MRAP2: variants seen among roughly 807,000 people sequenced by gnomAD.
MRAP2 encodes the protein melanocortin 2 receptor accessory protein 2.
MRAP2 carries 20 observed loss-of-function variants against 17.4 expected under a neutral mutation model. The ratio of observed to expected loss-of-function variants is 1.15; its 90% confidence interval spans 0.81 to 1.67. The LOEUF (loss-of-function observed/expected upper bound fraction) is 1.67, where lower values mean the gene tolerates loss of function less well. MRAP2 is among the 40% of genes most tolerant of loss of function. The pLI is 0.00. For missense variants in MRAP2, 238 were observed against 240.0 expected (o/e 0.99, Z 0.05); for synonymous variants, 96 against 88.4 (o/e 1.09, Z -0.48).
chr6:84,116,393 G>T, the MRAP2 span, among the ~76,000 whole-genome samples: 39 of 152,262 alleles, frequency 2.6e-4, 1 homozygote, highest in African/African-American at 9.1e-4. Flanking sequence ...GACTCTCATT[G>T]TGTCTTGCCT....
At chr6:84,100,221 T>A in the MRAP2 span, among the ~76,000 whole-genome samples, 1 of 152,184 alleles carries the variant, frequency 6.6e-6, no homozygotes, top group African/African-American at 2.4e-5. Flanking sequence ...TCCTTTGCAT[T>A]TCTATATGAA....
intron 3 of MRAP2, among the ~76,000 whole-genome samples, chr6:84,082,979 C>T (rs185217786): frequency 3.7e-4 from 57 of 152,180 alleles, no homozygotes; most frequent in South Asian, 8.3e-4. Context: ...CTCTCCCTTA[C>T]GTGCCCACCT....
chr6:84,085,858 A>AT (rs11384949), intron 3 of MRAP2, among the ~76,000 whole-genome samples: 20,755 of 152,200 alleles, frequency 0.14, 1,449 homozygotes, highest in Middle Eastern at 0.23. Context: ...AGCATTCTTC[A>AT]TTTAAGGTAG....
intron 2 of MRAP2, chr6:84,062,405 G>C (rs951032314): frequency 4.8e-6 from 2 of 416,574 alleles, no homozygotes; most frequent in Non-Finnish European, 6.4e-6. Flanking sequence ...GCAGCCCAGA[G>C]TCTCTCTGAA....
chr6:84,059,122 TCA>T (rs777767275), intron 2 of MRAP2, among the ~76,000 whole-genome samples: 1 of 152,236 alleles, frequency 6.6e-6, no homozygotes. Flanking sequence ...GAGTGGACAA[TCA>T]CATTTTAGCA....
At chr6:84,081,036 C>T in intron 3 of MRAP2, among the ~76,000 whole-genome samples, 1 of 152,122 alleles carries the variant, frequency 6.6e-6, no homozygotes, top group East Asian at 1.9e-4. Context: ...CATGGCATCC[C>T]ATGGGTGGGT....
downstream of MRAP2, among the ~76,000 whole-genome samples, chr6:84,095,877 C>A (rs574569152): frequency 1.4e-4 from 21 of 152,266 alleles, no homozygotes; most frequent in African/African-American, 4.8e-4. Context: ...GGAGTTGGAG[C>A]TTTTGAATAA....
intron 3 of MRAP2, among the ~76,000 whole-genome samples, chr6:84,078,342 A>G (rs1409235377): frequency 6.6e-6 from 1 of 152,230 alleles, no homozygotes; most frequent in African/African-American, 2.4e-5. Context: ...ATGCTTCACA[A>G]AAGAAGATAA....
the MRAP2 span, among the ~76,000 whole-genome samples, chr6:84,140,646 C>T: frequency 6.6e-6 from 1 of 152,084 alleles, no homozygotes; most frequent in Non-Finnish European, 1.5e-5. Flanking sequence ...TCACCTCAAC[C>T]TCTTGAGTAG....
At chr6:84,139,383 G>A in the MRAP2 span, among the ~76,000 whole-genome samples, 2 of 152,150 alleles carry the variant, frequency 1.3e-5, no homozygotes, top group Non-Finnish European at 2.9e-5. Flanking sequence ...ACTGTTTTGA[G>A]TTACTTTTCA....
chr6:84,125,234 TG>T, the MRAP2 span: 1 of 1,613,582 alleles, frequency 6.2e-7, no homozygotes, highest in Non-Finnish European at 8.5e-7. Context: ...TCAACTTCTT[TG>T]TTTTGCTCAG....
the MRAP2 span, among the ~76,000 whole-genome samples, chr6:84,134,719 T>G: frequency 6.6e-6 from 1 of 152,134 alleles, no homozygotes; most frequent in African/African-American, 2.4e-5. Context: ...GGTACCTCAG[T>G]TGGAAATGTA....
intron 3 of MRAP2, among the ~76,000 whole-genome samples, chr6:84,087,376 A>C (rs1281393797): frequency 6.6e-6 from 1 of 152,212 alleles, no homozygotes; most frequent in Non-Finnish European, 1.5e-5. Context: ...CAGTGAGCAG[A>C]GGGGTGACTT....
At chr6:84,055,921 C>A (rs1489481748) in intron 2 of MRAP2, among the ~76,000 whole-genome samples, 2 of 152,180 alleles carry the variant, frequency 1.3e-5, no homozygotes, top group Admixed American at 1.3e-4. Context: ...AGCCTGCGAT[C>A]ATTTCTAACA....
At chr6:84,067,596 C>T (rs147073622) in intron 3 of MRAP2, among the ~76,000 whole-genome samples, 6 of 152,232 alleles carry the variant, frequency 3.9e-5, no homozygotes, top group Admixed American at 1.3e-4. Flanking sequence ...AAGGTGATAT[C>T]GCACTGTGGC....
At chr6:84,125,961 T>A in the MRAP2 span, among the ~76,000 whole-genome samples, 1 of 152,164 alleles carries the variant, frequency 6.6e-6, no homozygotes, top group African/African-American at 2.4e-5. Flanking sequence ...TTAACTTCTA[T>A]TAATTTATCT....
At chr6:84,068,313 A>G (rs1371296841) in intron 3 of MRAP2, among the ~76,000 whole-genome samples, 1 of 152,148 alleles carries the variant, frequency 6.6e-6, no homozygotes, top group Non-Finnish European at 1.5e-5. Context: ...TTGAAACCAG[A>G]TAGTATGATC....
intron 3 of MRAP2, among the ~76,000 whole-genome samples, chr6:84,064,574 G>C (rs545898588): frequency 6.6e-6 from 1 of 151,960 alleles, no homozygotes; most frequent in Non-Finnish European, 1.5e-5. Flanking sequence ...TGCAAGCTCC[G>C]CCTCCCGGGT....
chr6:84,054,377 G>A (rs752399748), intron 1 of MRAP2, among the ~76,000 whole-genome samples: 4 of 152,186 alleles, frequency 2.6e-5, no homozygotes, highest in Non-Finnish European at 5.9e-5. Context: ...TTCTCCCAAA[G>A]AAGTCAGGAT....
Sources: allele counts gnomAD v4.1 joint callset (sites outside exome capture counted in the v4.1 genomes callset), GRCh38; gene constraint gnomAD v4.1.1; transcripts MANE v1.5; gene names NCBI Gene and HGNC (gene_info 2026-07-23, HGNC 2026-07-21).